Variants in GRID1 observed in about 807,000 individuals in gnomAD.
GRID1 encodes glutamate receptor ionotropic, delta-1.
A neutral mutation model predicts 98.0 loss-of-function variants in GRID1; 28 were observed. That is an observed-to-expected ratio of 0.29 (90% confidence interval 0.21 to 0.39). GRID1 has a LOEUF of 0.39. Ranked by LOEUF, GRID1 falls within the 10% of genes least tolerant of loss-of-function variation. The pLI is 1.00. For synonymous variants in GRID1, 553 were observed against 538.5 expected, an observed-to-expected ratio of 1.03 and a Z score of -0.37; for missense variants, 1,111 against 1,340.5, an observed-to-expected ratio of 0.83 and a Z score of 2.67.
At chr10:85,790,651 C>A (rs1842470017) in intron 8 of GRID1, among the ~76,000 whole-genome samples, 1 of 152,156 alleles carries the variant, frequency 6.6e-6, no homozygotes, top group African/African-American at 2.4e-5. Context: ...AGCCTCCTGG[C>A]AGGGAGCAGC....
chr10:86,114,945 C>T (rs1844551543), intron 4 of GRID1, among the ~76,000 whole-genome samples: 1 of 152,188 alleles, frequency 6.6e-6, no homozygotes, highest in Non-Finnish European at 1.5e-5. Flanking sequence ...AGGTAAGAAT[C>T]CACCTCTCTC....
At chr10:86,337,486 G>A (rs1848239448) in intron 2 of GRID1, among the ~76,000 whole-genome samples, 2 of 152,242 alleles carry the variant, frequency 1.3e-5, no homozygotes, top group Non-Finnish European at 1.5e-5. Context: ...GGGAGGCACT[G>A]ACCCTCCCAC....
At chr10:85,978,960 CAGTA>C (rs1432384864) in intron 4 of GRID1, among the ~76,000 whole-genome samples, 1 of 152,148 alleles carries the variant, frequency 6.6e-6, no homozygotes, top group Non-Finnish European at 1.5e-5. Context: ...TTCACAAAAC[CAGTA>C]AGTGACAGCC....
chr10:86,129,412 C>T lies in GRID1; in HGVS notation c.726+9407G>A, dbSNP rs1221682269. Among the ~76,000 whole-genome samples, 14 of 152,206 alleles carry T rather than the reference C, an allele frequency of 9.2e-5. No individual in the cohort carries two copies. The South Asian group carries it at 2.7e-3, about 29-fold the overall frequency. On this transcript the variant is annotated intron_variant, in intron 4 of 15. Coordinates refer to ENST00000327946, the MANE Select transcript of GRID1 (RefSeq NM_017551.3). ...CTGGGCTTTGAGTCAGGGTGTTCAG[C>T]ATTCATAGCCCAGCTCTGTCATTTT...
intron 12 of GRID1, among the ~76,000 whole-genome samples, chr10:85,719,085 C>G (rs1841671770): frequency 6.6e-6 from 1 of 152,174 alleles, no homozygotes; most frequent in South Asian, 2.1e-4. Flanking sequence ...GGCGAAATGC[C>G]GCTAGTCTCT....
At chr10:85,979,312 A>G (rs1842513615) in intron 4 of GRID1, among the ~76,000 whole-genome samples, 1 of 152,116 alleles carries the variant, frequency 6.6e-6, no homozygotes, top group South Asian at 2.1e-4. Flanking sequence ...GAGGTCCCCA[A>G]GTTTTCTATA....
intron 5 of GRID1, among the ~76,000 whole-genome samples, chr10:85,893,595 C>T (rs1424337940): frequency 6.6e-6 from 1 of 152,062 alleles, no homozygotes; most frequent in Non-Finnish European, 1.5e-5. Flanking sequence ...TAGTAACAAA[C>T]AATTGCAAAT....
intron 4 of GRID1, among the ~76,000 whole-genome samples, chr10:86,037,018 A>G (rs1843274870): frequency 6.6e-6 from 1 of 152,240 alleles, no homozygotes; most frequent in South Asian, 2.1e-4. Flanking sequence ...CTTAGAGAAT[A>G]TATGTCACAA....
chr10:85,890,769 G>A lies in GRID1; in HGVS notation c.781-21589C>T, dbSNP rs150466452. Among the ~76,000 whole-genome samples the A allele has an allele frequency of 1.9e-3, 296 of 152,058 alleles. 2 individuals carry two copies. The highest frequency in any genetic ancestry group is 6.9e-3 in the African/African-American group (285 of 41,486). Reference sequence around the variant, plus strand: ...AAGGAGGAAAGAGCAAAGGAGCAAGGGAGAGAAGAAGGAAGAGAGAAAGAA... The same window carrying A: ...AAGGAGGAAAGAGCAAAGGAGCAAGAGAGAGAAGAAGGAAGAGAGAAAGAA... On this transcript the variant is annotated intron_variant, in intron 5 of 15. Coordinates refer to ENST00000327946, the MANE Select transcript of GRID1 (RefSeq NM_017551.3).
chr10:85,939,156 G>C (rs903455141), intron 4 of GRID1, among the ~76,000 whole-genome samples: 16 of 152,104 alleles, frequency 1.1e-4, no homozygotes, highest in Non-Finnish European at 4.4e-5. Flanking sequence ...ACTGCCTCCG[G>C]GGGACCCCTG....
chr10:85,796,153 T>A (rs1015804800), intron 8 of GRID1, among the ~76,000 whole-genome samples: 14 of 151,936 alleles, frequency 9.2e-5, no homozygotes, highest in Non-Finnish European at 1.5e-4. Flanking sequence ...AGAATAAAGA[T>A]CAAAGCTGGA....
intron 13 of GRID1, among the ~76,000 whole-genome samples, chr10:85,634,283 T>A (rs1843010021): frequency 7.0e-6 from 1 of 143,254 alleles, no homozygotes; most frequent in African/African-American, 2.8e-5. Flanking sequence ...TCTCTCTCTC[T>A]CTCTCTCTCA....
intron 2 of GRID1, among the ~76,000 whole-genome samples, chr10:86,262,995 G>C (rs1184364971): frequency 6.6e-6 from 1 of 151,702 alleles, no homozygotes; most frequent in Non-Finnish European, 1.5e-5. Context: ...CGCGCTGGGA[G>C]GGAGTCAATT....
At position 85,976,587 on chromosome 10, in the gene GRID1, C is replaced by T. The variant is rs952690835; in HGVS notation, c.727-60348G>A. On this transcript the variant is annotated intron_variant, in intron 4 of 15. Transcript: ENST00000327946. ...AACCTGACCTACCCATCTAGCTCCCCGGCCCCTTGCCCCCGTGGCATCCAC... is the reference window on the plus strand; with the variant it reads ...AACCTGACCTACCCATCTAGCTCCCTGGCCCCTTGCCCCCGTGGCATCCAC... Among the ~76,000 whole-genome samples the T allele has an allele frequency of 3.9e-5, 6 of 152,360 alleles. No individual in the cohort carries two copies. In the East Asian group the frequency reaches 5.8e-4, roughly 15 times the overall value.
chr10:86,257,521 T>C (rs1250029817), intron 2 of GRID1, among the ~76,000 whole-genome samples: 1 of 152,174 alleles, frequency 6.6e-6, no homozygotes, highest in Non-Finnish European at 1.5e-5. Flanking sequence ...TGGATGCAAC[T>C]ACCTTTAAGC....
Position 85,602,370 on chromosome 10 carries a change from T to C in GRID1, c.2933A>G (p.Gln978Arg). The change falls in exon 16 of 16, where the codon CAG becomes CGG. Residue 978 changes from glutamine to arginine, a missense_variant. Physicochemically the swap from Gln to Arg is conservative, Grantham distance 43. This residue lies in a region of GRID1 where 762 missense variants were observed against 869.1 expected (regional missense o/e 0.88). Transcript: ENST00000327946. Reference sequence around the variant, plus strand: ...GGGGATGGGGGTCTTCACCGGGCTCTGCCGGAACAGCCCCCCGTTGGGTGA... The same window carrying C: ...GGGGATGGGGGTCTTCACCGGGCTCCGCCGGAACAGCCCCCCGTTGGGTGA... ...HRSPNGGLFR[Q>R]SPVKTPIPMS... 2 of 1,604,666 alleles carry C rather than the reference T, an allele frequency of 1.2e-6. No individual in the cohort carries two copies. The highest frequency in any genetic ancestry group is 1.7e-6 in the Non-Finnish European group (2 of 1,173,276).
intron 4 of GRID1, among the ~76,000 whole-genome samples, chr10:85,967,890 C>T (rs558125768): frequency 1.2e-4 from 19 of 152,040 alleles, no homozygotes; most frequent in East Asian, 3.9e-4. Context: ...AGTAAAAGAC[C>T]GTCAGTCAAG....
At chr10:86,183,417 T>C (rs147018498) in intron 3 of GRID1, among the ~76,000 whole-genome samples, 3,281 of 152,302 alleles carry the variant, frequency 0.022, 56 homozygotes, top group Non-Finnish European at 0.033. Flanking sequence ...CGAAGTGCAA[T>C]GGCATGATCT....
chr10:86,197,621 A>T (rs2132012926), intron 3 of GRID1, among the ~76,000 whole-genome samples: 2 of 152,096 alleles, frequency 1.3e-5, no homozygotes, highest in Admixed American at 1.3e-4. Flanking sequence ...CGATCTGGAC[A>T]AGTTCTTGCT....
Sources: allele counts gnomAD v4.1 joint callset (sites outside exome capture counted in the v4.1 genomes callset), GRCh38; gene constraint gnomAD v4.1.1; regional missense constraint gnomAD v4.1.1; transcripts MANE v1.5; gene names NCBI Gene and HGNC (gene_info 2026-07-23, HGNC 2026-07-21).